EMCN: variants seen among roughly 807,000 people sequenced by gnomAD.
EMCN encodes the protein endomucin.
Under a neutral mutation model 38.4 loss-of-function variants are expected in EMCN, and 37 were observed. The ratio of observed to expected loss-of-function variants is 0.96; its 90% confidence interval spans 0.74 to 1.27. The LOEUF is 1.27. Ranked by LOEUF, EMCN falls within the 50% of genes most tolerant of loss-of-function variation. The probability of loss-of-function intolerance (pLI) is 0.00; values close to 1 mark genes in which losing one functional copy is unlikely to be tolerated. For missense variants in EMCN, 318 were observed against 302.8 expected, an observed-to-expected ratio of 1.05 and a Z score of -0.37; for synonymous variants, 95 against 100.8, an observed-to-expected ratio of 0.94 and a Z score of 0.35.
intron 5 of EMCN, among the ~76,000 whole-genome samples, chr4:100,446,456 C>T (rs1727675135): frequency 6.6e-6 from 1 of 151,994 alleles, no homozygotes; most frequent in African/African-American, 2.4e-5. Context: ...AAGGTGATTA[C>T]TTAGAATATT....
intron 3 of EMCN, among the ~76,000 whole-genome samples, chr4:100,471,048 A>C (rs981326921): frequency 6.6e-6 from 1 of 151,990 alleles, no homozygotes; most frequent in Non-Finnish European, 1.5e-5. Context: ...AACTAGAAAA[A>C]GAAGAGCAAA....
chr4:100,437,002 G>A (rs1170041245), intron 5 of EMCN, among the ~76,000 whole-genome samples: 3 of 152,126 alleles, frequency 2.0e-5, no homozygotes, highest in Non-Finnish European at 4.4e-5. Context: ...CTGCACATCT[G>A]CACATCCTGC....
intron 11 of EMCN, among the ~76,000 whole-genome samples, chr4:100,408,765 G>A (rs989599216): frequency 1.3e-5 from 2 of 152,138 alleles, no homozygotes; most frequent in African/African-American, 4.8e-5. Context: ...CAGGGGCAGG[G>A]ACCTTGGCAT....
chr4:100,454,994 A>G (rs908915722), intron 4 of EMCN, among the ~76,000 whole-genome samples: 1 of 152,126 alleles, frequency 6.6e-6, no homozygotes, highest in Non-Finnish European at 1.5e-5. Context: ...TATCCAGTTT[A>G]ACAATCTTAT....
At chr4:100,492,477 A>C (rs1171397548) in intron 1 of EMCN, among the ~76,000 whole-genome samples, 4 of 152,162 alleles carry the variant, frequency 2.6e-5, no homozygotes, top group African/African-American at 9.6e-5. Flanking sequence ...AAGAGAAAAG[A>C]GACAGCATAT....
chr4:100,512,607 C>A (rs1334542580), intron 1 of EMCN, among the ~76,000 whole-genome samples: 1 of 151,956 alleles, frequency 6.6e-6, no homozygotes, highest in Admixed American at 6.6e-5. Flanking sequence ...GAGTTCGCAA[C>A]CAGTCTGGCC....
chr4:100,510,575 C>T (rs951034527), intron 1 of EMCN, among the ~76,000 whole-genome samples: 49 of 152,264 alleles, frequency 3.2e-4, no homozygotes, highest in African/African-American at 1.1e-3. Flanking sequence ...TCATATCAGA[C>T]GCTATTCTGG....
At chr4:100,492,615 A>G (rs1156676217) in intron 1 of EMCN, among the ~76,000 whole-genome samples, 1 of 152,194 alleles carries the variant, frequency 6.6e-6, no homozygotes, top group Non-Finnish European at 1.5e-5. Context: ...TCACAATCAA[A>G]CTACCAAAAC....
chr4:100,415,266 T>C (rs1429149857), intron 10 of EMCN, among the ~76,000 whole-genome samples: 2 of 152,216 alleles, frequency 1.3e-5, no homozygotes, highest in Non-Finnish European at 2.9e-5. Context: ...TTTAAATGTC[T>C]AATCTACTCA....
chr4:100,443,607 G>A (rs938162603), intron 5 of EMCN, among the ~76,000 whole-genome samples: 4 of 152,218 alleles, frequency 2.6e-5, no homozygotes, highest in African/African-American at 9.6e-5. Context: ...GCAGCACTGG[G>A]AGCCAGGGCA....
At chr4:100,414,793 T>G (rs570817504) in intron 10 of EMCN, among the ~76,000 whole-genome samples, 3 of 152,348 alleles carry the variant, frequency 2.0e-5, no homozygotes, top group Non-Finnish European at 4.4e-5. Flanking sequence ...CAAAATTATT[T>G]TCAGCCACCA....
intron 9 of EMCN, among the ~76,000 whole-genome samples, 154 bp from the exon 10 acceptor site, chr4:100,416,113 C>CAT (rs35553330): frequency 0.11 from 15,968 of 147,580 alleles, 973 homozygotes; most frequent in South Asian, 0.15. Flanking sequence ...TGTATACATA[C>CAT]ATATATATAT....
At position 100,417,098 on chromosome 4, in the gene EMCN, A is replaced by G; in HGVS notation, c.689+19T>C. 1 of 1,612,898 alleles carries G rather than the reference A, an allele frequency of 6.2e-7. No individual in the cohort carries two copies. Among genetic ancestry groups the G allele is most frequent in the East Asian group, 2.2e-5 (1 of 44,828 alleles). On this transcript the variant is annotated intron_variant, in intron 9 of 11. Coordinates refer to ENST00000296420, the MANE Select transcript of EMCN (RefSeq NM_016242.4). ...GTAAATGGTAGGGTCTAAACAAAAG[A>G]TGATATGGGCTTACTTACTGATCAT...
At chr4:100,424,607 G>A (rs752301513) in intron 5 of EMCN, among the ~76,000 whole-genome samples, 29 of 152,156 alleles carry the variant, frequency 1.9e-4, no homozygotes, top group Non-Finnish European at 3.7e-4. Context: ...AGTCTGTACC[G>A]TTCTTGCCAT....
At chr4:100,417,555 C>CT (rs1726769597) in intron 8 of EMCN, among the ~76,000 whole-genome samples, 1 of 152,062 alleles carries the variant, frequency 6.6e-6, no homozygotes, top group African/African-American at 2.4e-5. Flanking sequence ...ATACATTGTT[C>CT]TTTTTTGGGA....
intron 5 of EMCN, among the ~76,000 whole-genome samples, chr4:100,430,595 T>A (rs1052252277): frequency 6.6e-6 from 1 of 152,156 alleles, no homozygotes; most frequent in African/African-American, 2.4e-5. Flanking sequence ...AGGAAATGTG[T>A]TGCTTCCTAA....
chr4:100,488,066 G>C (rs1253672534), intron 1 of EMCN, among the ~76,000 whole-genome samples: 2 of 152,070 alleles, frequency 1.3e-5, no homozygotes, highest in African/African-American at 4.8e-5. Flanking sequence ...TTACAAACCT[G>C]GCAACTCTGA....
intron 9 of EMCN, 132 bp from the exon 10 acceptor site, chr4:100,416,091 C>T (rs931496938): frequency 2.3e-5 from 11 of 472,664 alleles, no homozygotes; most frequent in South Asian, 3.7e-5. Flanking sequence ...TATATATATA[C>T]GTGTGTGTGT....
At chr4:100,457,127 T>C (rs542007290) in intron 4 of EMCN, among the ~76,000 whole-genome samples, 2 of 152,214 alleles carry the variant, frequency 1.3e-5, no homozygotes, top group South Asian at 2.1e-4. Context: ...TTTCAGGGTA[T>C]ATCCTTTTTC....
Sources: gnomAD v4.1 joint callset for allele counts (sites outside exome capture counted in the v4.1 genomes callset) on GRCh38, gnomAD v4.1.1 for gene constraint, MANE v1.5 for transcripts, NCBI Gene and HGNC (gene_info 2026-07-23, HGNC 2026-07-21) for gene names.